The following EVL variants were observed in gnomAD, a reference collection of about 807,000 sequenced individuals.
The protein encoded by EVL is ena/VASP-like protein.
A neutral mutation model predicts 59.6 loss-of-function variants in EVL; 21 were observed. The ratio of observed to expected loss-of-function variants is 0.35; its 90% CI spans 0.25 to 0.51. The LOEUF (loss-of-function observed/expected upper bound fraction) is 0.51. EVL is among the 20% of genes least tolerant of loss of function. The probability of loss-of-function intolerance (pLI) is 0.97; values close to 1 mark genes in which losing one functional copy is unlikely to be tolerated. For synonymous variants in EVL, 198 were observed against 203.5 expected (o/e 0.97, Z 0.23); for missense variants, 462 against 546.6 (o/e 0.85, Z 1.54).
chr14:100,080,582 C>T (rs1269545295), intron 1 of EVL, among the ~76,000 whole-genome samples: 7 of 152,200 alleles, frequency 4.6e-5, no homozygotes, highest in Non-Finnish European at 7.3e-5. Context: ...TCTTGCATGA[C>T]ACACGGAGGG....
intron 1 of EVL, among the ~76,000 whole-genome samples, chr14:100,012,154 G>GA (rs1212619027): frequency 6.6e-6 from 1 of 152,030 alleles, no homozygotes; most frequent in Non-Finnish European, 1.5e-5. Context: ...AATTGAAGTG[G>GA]AAAAAAATCT....
intron 1 of EVL, among the ~76,000 whole-genome samples, chr14:100,039,944 A>T (rs747942676): frequency 6.6e-6 from 1 of 152,130 alleles, no homozygotes; most frequent in Non-Finnish European, 1.5e-5. Flanking sequence ...ACACTGGGCT[A>T]ATTTTTTAAC....
In EVL at chr14:100,141,262, G is replaced by A; in HGVS notation, c.1161+16G>A. On this transcript the variant is annotated intron_variant, in intron 12 of 13. Transcript: ENST00000392920. The stretch of plus-strand genomic sequence containing the variant: ...GATGAAGCAGGTGAGCATGCCCTGT[G>A]CCCTTCCCTCAAGAGGCTGAGGGCA... The A allele has an allele frequency of 1.2e-6, 2 of 1,613,266 alleles. No individual in the cohort carries two copies. The highest frequency in any genetic ancestry group is 2.7e-5 in the African/African-American group (2 of 75,042).
At chr14:100,124,862 C>T (rs1489814055) in intron 4 of EVL, among the ~76,000 whole-genome samples, 7 of 152,172 alleles carry the variant, frequency 4.6e-5, no homozygotes, top group Admixed American at 2.0e-4. Flanking sequence ...TACCGCCTGG[C>T]GGTCGGGGTG....
At chr14:99,980,571 T>A (rs1253357269) in intron 1 of EVL, among the ~76,000 whole-genome samples, 2 of 152,216 alleles carry the variant, frequency 1.3e-5, no homozygotes, top group African/African-American at 4.8e-5. Flanking sequence ...GAATACAGTA[T>A]AAAATACACA....
rs1886754113 is a variant in EVL at position 100,108,818 on chromosome 14, C to G, written c.358+11160C>G. ...CACGGGGCTTTATTTTTGCCTCTGT[C>G]CTAACAGTCAGCTGCCACTTGGCCT... is the stretch of plus-strand genomic sequence containing the variant. On this transcript the variant is annotated intron_variant, in intron 3 of 13. Transcript: ENST00000392920. The surrounding 1 kb of genome is among the most constrained non-coding windows in gnomAD (Gnocchi z 4.1). 6.6e-6 allele frequency among the ~76,000 whole-genome samples: 1 copy of G among 152,230 alleles called. No homozygotes were observed. Among genetic ancestry groups the G allele is most frequent in the Non-Finnish European group, 1.5e-5 (1 of 68,036 alleles).
intron 1 of EVL, among the ~76,000 whole-genome samples, chr14:100,001,740 C>G (rs1002694023): frequency 1.3e-5 from 2 of 152,174 alleles, no homozygotes; most frequent in Admixed American, 6.5e-5. Flanking sequence ...TCTTTACTTA[C>G]CACAGGTCAG....
chr14:100,082,951 C>G (rs73347887), intron 1 of EVL, among the ~76,000 whole-genome samples: 11,895 of 152,244 alleles, frequency 0.078, 774 homozygotes, highest in East Asian at 0.18. Context: ...CAGCTCTGCT[C>G]CCATAGCAGG....
intron 1 of EVL, among the ~76,000 whole-genome samples, chr14:100,027,861 G>A (rs1277144885): frequency 6.6e-6 from 1 of 152,056 alleles, no homozygotes; most frequent in Non-Finnish European, 1.5e-5. Context: ...TTTTAGTAGA[G>A]GCAGGGTTCC....
At chr14:100,040,569 G>A (rs2061453945) in intron 1 of EVL, among the ~76,000 whole-genome samples, 1 of 152,174 alleles carries the variant, frequency 6.6e-6, no homozygotes, top group Non-Finnish European at 1.5e-5. Context: ...CCTGAGAAAG[G>A]AGGTCTTCCT....
chr14:100,126,659 G>A lies in EVL; in HGVS notation c.423-48G>A, dbSNP rs556025068. ...TACAGCACAGGCACAGAGTGTGGTG[G>A]TCTCCAGAGTGGAGGAGTCAGACTG... On this transcript the variant is annotated intron_variant, in intron 4 of 13. Transcript: ENST00000392920. 1.1e-5 allele frequency: 17 copies of A among 1,602,186 alleles called. No individual in the cohort carries two copies. The East Asian group carries it at 3.8e-4, about 36-fold the overall frequency.
Position 100,143,847 on chromosome 14 carries a change from G to A in EVL, c.*109G>A. ...GCACCAGAGCACGCACAGGAGCCTG[G>A]GCGCGCTGCTGTGAAACGTCCTGAC... is the stretch of plus-strand genomic sequence containing the variant. On this transcript the variant is annotated 3_prime_UTR_variant, in exon 14 of 14. Transcript: ENST00000392920. 1 of 1,347,438 alleles carries A rather than the reference G, an allele frequency of 7.4e-7. No homozygotes were observed. The allele number at this position is 1,347,438 out of a possible 1,614,324, so 83.5% of individuals were successfully genotyped here. A position where few individuals can be genotyped will look rare whatever the true frequency, so the allele number is the denominator to read the frequency against.
At chr14:100,128,796 G>C (rs1474111370) in intron 6 of EVL, 48 bp downstream of exon 6, 12 of 1,518,446 alleles carry the variant, frequency 7.9e-6, no homozygotes, top group Admixed American at 3.4e-5. Flanking sequence ...GGGGACCCTT[G>C]TGCCATCTGC....
intron 1 of EVL, among the ~76,000 whole-genome samples, chr14:100,016,442 T>C (rs992862129): frequency 6.6e-6 from 1 of 152,132 alleles, no homozygotes; most frequent in Non-Finnish European, 1.5e-5. Flanking sequence ...AGCACGAGAA[T>C]CACTTGAACC....
intron 3 of EVL, among the ~76,000 whole-genome samples, chr14:100,099,062 G>A (rs545636857): frequency 3.3e-5 from 5 of 151,478 alleles, no homozygotes; most frequent in African/African-American, 1.2e-4. Context: ...ATCTACTGGC[G>A]CCAGGCGTGG....
chr14:99,989,435 G>C (rs2060861571), intron 1 of EVL, among the ~76,000 whole-genome samples: 1 of 152,060 alleles, frequency 6.6e-6, no homozygotes, highest in Non-Finnish European at 1.5e-5. Context: ...ACTCAAATCT[G>C]AGTTAATATT....
At chr14:100,007,790 A>G (rs1302337035) in intron 1 of EVL, among the ~76,000 whole-genome samples, 1 of 152,148 alleles carries the variant, frequency 6.6e-6, no homozygotes, top group Non-Finnish European at 1.5e-5. Context: ...AGAGAGAGAG[A>G]GAGGGAGAGA....
At chr14:100,019,364 CT>C (rs2061081518) in intron 1 of EVL, 1 of 353,850 alleles carries the variant, frequency 2.8e-6, no homozygotes, top group Non-Finnish European at 5.0e-6. Flanking sequence ...GGTTCGACTT[CT>C]TTCTCTAGAC....
At chr14:100,007,597 A>G (rs1442946173) in intron 1 of EVL, among the ~76,000 whole-genome samples, 1 of 152,248 alleles carries the variant, frequency 6.6e-6, no homozygotes, top group Non-Finnish European at 1.5e-5. Flanking sequence ...GCTTGCTGTG[A>G]GAGTGACTGG....
Sources: allele counts gnomAD v4.1 joint callset (sites outside exome capture counted in the v4.1 genomes callset), GRCh38; gene constraint gnomAD v4.1.1; non-coding constraint Gnocchi (gnomAD v3.1); transcripts MANE v1.5; gene names NCBI Gene and HGNC (gene_info 2026-07-23, HGNC 2026-07-21).